KCNH5: variants seen among roughly 807,000 people sequenced by gnomAD.
The protein encoded by KCNH5 is potassium voltage-gated channel subfamily H member 5.
In KCNH5, 46 loss-of-function variants were observed where a neutral mutation model predicts 96.1. The observed-to-expected ratio is 0.48, with a 90% CI of 0.38 to 0.61. The LOEUF (loss-of-function observed/expected upper bound fraction) is 0.61. KCNH5 is among the 20% of genes least tolerant of loss of function. The probability of loss-of-function intolerance (pLI) is 0.00; values close to 1 mark genes in which losing one functional copy is unlikely to be tolerated. For missense variants in KCNH5, 907 were observed against 1,225.8 expected, an observed-to-expected ratio of 0.74 and a Z score of 3.88; for synonymous variants, 439 against 449.8, an observed-to-expected ratio of 0.98 and a Z score of 0.30.
chr14:62,878,037 C>T (rs1474394321), intron 7 of KCNH5, among the ~76,000 whole-genome samples: 5 of 151,944 alleles, frequency 3.3e-5, no homozygotes, highest in African/African-American at 1.2e-4. Context: ...GAGTTCATGT[C>T]CTTTCTAGGG....
chr14:63,021,068 G>A (rs7149837), intron 1 of KCNH5, among the ~76,000 whole-genome samples: 7,179 of 151,312 alleles, frequency 0.047, 200 homozygotes, highest in East Asian at 0.062. Context: ...TTTCTTTCTC[G>A]CCTTAGCCCA....
chr14:62,938,462 C>T (rs112042326), intron 7 of KCNH5, among the ~76,000 whole-genome samples: 297 of 152,224 alleles, frequency 2.0e-3, no homozygotes, highest in African/African-American at 6.8e-3. Context: ...AAATAAAATC[C>T]CCTCTCTGGC....
chr14:62,912,901 G>A (rs1889198349), intron 7 of KCNH5, among the ~76,000 whole-genome samples: 3 of 152,154 alleles, frequency 2.0e-5, no homozygotes, highest in African/African-American at 7.2e-5. Flanking sequence ...TCACAGATTG[G>A]TATGTCTGTC....
chr14:63,040,048 T>C (rs1482518612), intron 1 of KCNH5, among the ~76,000 whole-genome samples: 1 of 152,088 alleles, frequency 6.6e-6, no homozygotes, highest in African/African-American at 2.4e-5. Context: ...CTCTGGAGAA[T>C]GCAGAAGCAT....
At chr14:62,732,212 C>T (rs1885064811) in intron 10 of KCNH5, among the ~76,000 whole-genome samples, 1 of 152,150 alleles carries the variant, frequency 6.6e-6, no homozygotes, top group Non-Finnish European at 1.5e-5. Context: ...GCAATCAGCT[C>T]TCTCAATTTC....
chr14:62,894,238 T>C (rs1480078752), intron 7 of KCNH5, among the ~76,000 whole-genome samples: 1 of 152,184 alleles, frequency 6.6e-6, no homozygotes, highest in African/African-American at 2.4e-5. Context: ...GAACCTATAA[T>C]ATCTCTGAGA....
intron 1 of KCNH5, among the ~76,000 whole-genome samples, chr14:63,039,430 C>A (rs1354565288): frequency 5.9e-5 from 9 of 151,954 alleles, no homozygotes; most frequent in Non-Finnish European, 1.3e-4. Flanking sequence ...TGTAAACTAT[C>A]TTTTGATAAA....
chr14:62,819,602 G>A (rs1006889442), intron 8 of KCNH5, among the ~76,000 whole-genome samples: 2 of 152,128 alleles, frequency 1.3e-5, no homozygotes, highest in African/African-American at 4.8e-5. Flanking sequence ...TTTAAATAAT[G>A]AATTTTATAA....
At chr14:63,041,298 G>T (rs1891819910) in intron 1 of KCNH5, among the ~76,000 whole-genome samples, 1 of 152,046 alleles carries the variant, frequency 6.6e-6, no homozygotes, top group South Asian at 2.1e-4. Context: ...CAAGTTTATT[G>T]CTCCCTAGAG....
At chr14:62,871,384 G>C (rs1261843977) in intron 7 of KCNH5, among the ~76,000 whole-genome samples, 1 of 152,150 alleles carries the variant, frequency 6.6e-6, no homozygotes, top group Non-Finnish European at 1.5e-5. Context: ...CCAAGTACTT[G>C]CTAAAGTTGT....
intron 10 of KCNH5, among the ~76,000 whole-genome samples, chr14:62,714,809 C>T (rs1431646639): frequency 2.6e-5 from 4 of 152,098 alleles, no homozygotes; most frequent in African/African-American, 9.7e-5. Context: ...TATTAAAAAC[C>T]TAGACCCTTT....
At chr14:62,920,406 T>G (rs1303815166) in intron 7 of KCNH5, among the ~76,000 whole-genome samples, 5 of 152,100 alleles carry the variant, frequency 3.3e-5, no homozygotes, top group African/African-American at 1.2e-4. Context: ...AAAGCAGGGA[T>G]GCAGGGTGGG....
At chr14:63,003,932 C>T (rs4257136) in intron 3 of KCNH5, among the ~76,000 whole-genome samples, 30,474 of 151,846 alleles carry the variant, frequency 0.2, 3,610 homozygotes, top group East Asian at 0.38. Flanking sequence ...AAAGAGCTAT[C>T]TTAAGCTCAG....
intron 1 of KCNH5, among the ~76,000 whole-genome samples, chr14:63,044,630 C>A (rs3850311): frequency 0.4 from 60,371 of 151,988 alleles, 12,871 homozygotes; most frequent in African/African-American, 0.55. Context: ...CACCTTTCCC[C>A]GTGACCACGA....
chr14:62,839,812 G>A (rs1347341104), intron 8 of KCNH5, among the ~76,000 whole-genome samples: 1 of 152,028 alleles, frequency 6.6e-6, no homozygotes, highest in Non-Finnish European at 1.5e-5. Context: ...TTAGCACACA[G>A]GTAATTTGAA....
chr14:62,810,114 A>G (rs1239929727), intron 8 of KCNH5, among the ~76,000 whole-genome samples: 1 of 152,170 alleles, frequency 6.6e-6, no homozygotes, highest in East Asian at 1.9e-4. Context: ...GTAGGAATAC[A>G]GAACAAGCTT....
intron 10 of KCNH5, among the ~76,000 whole-genome samples, chr14:62,772,419 A>G (rs986856295): frequency 1.3e-5 from 2 of 152,110 alleles, no homozygotes; most frequent in Admixed American, 1.3e-4. Context: ...TGGGCAGATC[A>G]CCTGAGGTCG....
chr14:63,008,579 T>C (rs1244075364), intron 2 of KCNH5, among the ~76,000 whole-genome samples: 3 of 151,680 alleles, frequency 2.0e-5, no homozygotes, highest in African/African-American at 7.3e-5. Context: ...CCGAGAAACC[T>C]GAATCCTTCA....
At chr14:62,867,461 GT>G (rs1738673282) in intron 7 of KCNH5, among the ~76,000 whole-genome samples, 1 of 152,084 alleles carries the variant, frequency 6.6e-6, no homozygotes, top group African/African-American at 2.4e-5. Flanking sequence ...ATTTGCTAAT[GT>G]TTTTCCAAAA....
Sources: gnomAD v4.1 joint callset for allele counts (sites outside exome capture counted in the v4.1 genomes callset) on GRCh38, gnomAD v4.1.1 for gene constraint, MANE v1.5 for transcripts, NCBI Gene and HGNC (gene_info 2026-07-23, HGNC 2026-07-21) for gene names.